Variants in ITSN1 observed in about 807,000 individuals in gnomAD.
The protein encoded by ITSN1 is intersectin 1.
In ITSN1, 58 loss-of-function variants were observed where a neutral mutation model predicts 239.8. The observed-to-expected ratio is 0.24, with a 90% CI of 0.20 to 0.30. The LOEUF is 0.30. Among genes scored for constraint, ITSN1 ranks in the 10% least tolerant of loss-of-function variants. The pLI is 1.00. For missense variants in ITSN1, 1,558 were observed against 2,103.3 expected (o/e 0.74, Z 5.07); for synonymous variants, 780 against 770.8 (o/e 1.01, Z -0.20).
chr21:33,810,151 C>T (rs1441141576), intron 20 of ITSN1, among the ~76,000 whole-genome samples: 1 of 152,180 alleles, frequency 6.6e-6, no homozygotes, highest in Non-Finnish European at 1.5e-5. Flanking sequence ...TCCTGTTGCT[C>T]ATAAAATAGT....
rs1011018029 is a variant in ITSN1, at chr21:33,889,849, G to A, written c.*1549G>A. On this transcript the variant is annotated 3_prime_UTR_variant, in exon 40 of 40. Transcript: ENST00000381318. ...GTGTTATCATTTCCCATGAGAGCCC[G>A]GTCATACTTCAAGCAATTTTTTTAA... The A allele has an allele frequency of 2.0e-5, 3 of 152,138 alleles. No homozygotes were observed. The highest frequency in any genetic ancestry group is 1.9e-4 in the East Asian group (1 of 5,204). 9.4% of individuals were successfully genotyped at this position (152,138 alleles called of 1,614,324 possible). A position where few individuals can be genotyped will look rare whatever the true frequency, so the allele number is the denominator to read the frequency against.
chr21:33,706,911 T>C (rs980469959), intron 1 of ITSN1, among the ~76,000 whole-genome samples: 2 of 152,114 alleles, frequency 1.3e-5, no homozygotes, highest in Non-Finnish European at 2.9e-5. Context: ...TTAGTAGAGA[T>C]GGGGTTTCAC....
chr21:33,756,425 A>G (rs978264838), intron 8 of ITSN1, among the ~76,000 whole-genome samples: 2 of 152,172 alleles, frequency 1.3e-5, no homozygotes, highest in African/African-American at 2.4e-5. Context: ...GAAGGGAAAA[A>G]AATTAGGTTT....
chr21:33,725,253 A>G (rs2065761271), intron 4 of ITSN1, among the ~76,000 whole-genome samples: 1 of 143,454 alleles, frequency 7.0e-6, no homozygotes, highest in Admixed American at 7.3e-5. Flanking sequence ...CTCCTGCCTC[A>G]GCCTCCTGAG....
At chr21:33,813,710 C>T (rs1207947897) in intron 21 of ITSN1, among the ~76,000 whole-genome samples, 1 of 152,090 alleles carries the variant, frequency 6.6e-6, no homozygotes, top group Non-Finnish European at 1.5e-5. Context: ...TTGTGTTGCA[C>T]AGGCTCATTG....
At chr21:33,835,243 G>T (rs1373379304) in intron 28 of ITSN1, among the ~76,000 whole-genome samples, 1 of 152,074 alleles carries the variant, frequency 6.6e-6, no homozygotes, top group Non-Finnish European at 1.5e-5. Flanking sequence ...GTCCCCACTG[G>T]GCCTCTTTGC....
chr21:33,814,516 T>A (rs1056748323), intron 22 of ITSN1: 1 of 160,438 alleles, frequency 6.2e-6, no homozygotes, highest in Admixed American at 6.1e-5. Context: ...AATGGGAGGC[T>A]CTGAAATGCC....
intron 1 of ITSN1, among the ~76,000 whole-genome samples, chr21:33,702,938 A>G (rs903750266): frequency 6.6e-6 from 1 of 152,094 alleles, no homozygotes; most frequent in African/African-American, 2.4e-5. Flanking sequence ...TTAGCCGGGC[A>G]TGATGGCCGG....
chr21:33,878,699 G>A (rs1313689821), intron 34 of ITSN1, among the ~76,000 whole-genome samples: 1 of 152,214 alleles, frequency 6.6e-6, no homozygotes, highest in Non-Finnish European at 1.5e-5. Flanking sequence ...AAGCCGAGAG[G>A]ACAGCTGTGG....
chr21:33,712,741 GGAAACTTTTTA>G (rs765754582), intron 1 of ITSN1, among the ~76,000 whole-genome samples: 142 of 152,274 alleles, frequency 9.3e-4, no homozygotes, highest in Admixed American at 5.8e-3. Context: ...TCCATGGAAA[GGAAACTTTTTA>G]GAAACTTTTT....
chr21:33,665,773 A>G (rs2146312801), intron 1 of ITSN1, among the ~76,000 whole-genome samples: 1 of 152,348 alleles, frequency 6.6e-6, no homozygotes, highest in African/African-American at 2.4e-5. Context: ...TGGCATATTC[A>G]TATAATGGGA....
At chr21:33,714,480 T>C (rs2092511974) in intron 1 of ITSN1, among the ~76,000 whole-genome samples, 1 of 152,200 alleles carries the variant, frequency 6.6e-6, no homozygotes, top group Non-Finnish European at 1.5e-5. Flanking sequence ...TAGAGTAGCA[T>C]GGTAAATAAC....
chr21:33,753,761 T>TAAAAAAAAAAAAAAAAAA (rs760085854), intron 7 of ITSN1, among the ~76,000 whole-genome samples: 5 of 81,770 alleles, frequency 6.1e-5, no homozygotes, highest in African/African-American at 2.8e-4. Flanking sequence ...GTCTCTTTCT[T>TAAAAAAAAAAAAAAAAAA]AAAAAAAAAA....
intron 1 of ITSN1, among the ~76,000 whole-genome samples, chr21:33,696,558 T>C (rs1162811393): frequency 2.6e-5 from 4 of 152,222 alleles, no homozygotes; most frequent in African/African-American, 7.2e-5. Flanking sequence ...ATGTAGGGCA[T>C]TTTATAATTA....
intron 20 of ITSN1, among the ~76,000 whole-genome samples, chr21:33,807,924 G>A (rs568787435): frequency 2.6e-5 from 4 of 152,210 alleles, no homozygotes; most frequent in Admixed American, 6.5e-5. Flanking sequence ...GGTGGCTCAC[G>A]CCTGTAATCC....
chr21:33,751,817 A>G lies in ITSN1; in HGVS notation c.534A>G (p.Thr178=). The G allele has an allele frequency of 1.9e-6, 3 of 1,606,528 alleles. No individual in the cohort carries two copies. The highest frequency in any genetic ancestry group is 2.2e-5 in the East Asian group (1 of 44,822). Residue 178 remains threonine (T), a synonymous_variant, in exon 7 of 40, where the codon ACA becomes ACG. Transcript: ENST00000381318. ...CAACATTTATTTTTACAGCAGCCAC[A>G]TTGCCAAAGAGTTCTTCCTTTAGTA... ...PLPAFAHPAA[T]LPKSSSFSRS...
intron 1 of ITSN1, among the ~76,000 whole-genome samples, chr21:33,686,710 A>G (rs534680554): frequency 1.3e-5 from 2 of 152,274 alleles, no homozygotes; most frequent in Non-Finnish European, 1.5e-5. Flanking sequence ...AAGATGGATG[A>G]TCTACTTGTC....
At chr21:33,737,338 C>G (rs1033746681) in intron 5 of ITSN1, among the ~76,000 whole-genome samples, 4 of 152,158 alleles carry the variant, frequency 2.6e-5, no homozygotes, top group African/African-American at 9.7e-5. Context: ...CCCCAGACTT[C>G]TCCCTGTCTT....
intron 34 of ITSN1, among the ~76,000 whole-genome samples, chr21:33,878,303 G>C (rs1984343016): frequency 6.6e-6 from 1 of 152,094 alleles, no homozygotes; most frequent in African/African-American, 2.4e-5. Flanking sequence ...AAAGTGCTGG[G>C]ATTACAGGTG....
Sources: gnomAD v4.1 joint callset for allele counts (sites outside exome capture counted in the v4.1 genomes callset) on GRCh38, gnomAD v4.1.1 for gene constraint, MANE v1.5 for transcripts, NCBI Gene and HGNC (gene_info 2026-07-23, HGNC 2026-07-21) for gene names.